Variants in ROCK1 observed in about 807,000 individuals in gnomAD.
ROCK1 encodes Rho associated coiled-coil containing protein kinase 1.
In ROCK1, 36 loss-of-function variants were observed where a neutral mutation model predicts 196.8. The observed-to-expected ratio is 0.18, with a 90% CI of 0.14 to 0.24. The LOEUF (loss-of-function observed/expected upper bound fraction) is 0.24. ROCK1 is among the 10% of genes least tolerant of loss of function. The pLI, the probability that ROCK1 is intolerant of heterozygous loss-of-function variation, is 1.00. For synonymous variants in ROCK1, 443 were observed against 515.9 expected (o/e 0.86, Z 1.91); for missense variants, 920 against 1,562.0 (o/e 0.59, Z 6.93).
intron 9 of ROCK1, among the ~76,000 whole-genome samples, chr18:21,032,506 G>GTTTTTTTTTTTTTT (rs368055407): frequency 7.0e-5 from 9 of 129,234 alleles, no homozygotes; most frequent in African/African-American, 2.6e-4. Context: ...AAATAGGAAA[G>GTTTTTTTTTTTTTT]TTTTTTTTTT....
At chr18:21,027,793 G>A (rs375133945) in intron 10 of ROCK1, among the ~76,000 whole-genome samples, 38,898 of 116,792 alleles carry the variant, frequency 0.33, 6,878 homozygotes, top group Middle Eastern at 0.57. Flanking sequence ...ACGGAGTCTC[G>A]CTCTGTCGCC....
rs374006664 is a variant in ROCK1, at chr18:21,026,717, C to A, written c.1211+2059G>T. On this transcript the variant is annotated intron_variant, in intron 10 of 32. Coordinates refer to ENST00000399799, the MANE Select transcript of ROCK1 (RefSeq NM_005406.3). ...TTGAATGGCTCTTACACTAAAATGACAAGACCCTTCACTTTAAAATAAGAT... is the reference window on the plus strand; with the variant it reads ...TTGAATGGCTCTTACACTAAAATGAAAAGACCCTTCACTTTAAAATAAGAT... 3.3e-5 allele frequency among the ~76,000 whole-genome samples: 5 copies of A among 151,950 alleles called. No individual in the cohort carries two copies. The South Asian group carries it at 8.3e-4, about 25-fold the overall frequency.
chr18:21,017,186 CTTTTTTTTTTTTT>C (rs774542704), intron 12 of ROCK1, among the ~76,000 whole-genome samples: 1 of 99,090 alleles, frequency 1.0e-5, no homozygotes, highest in Non-Finnish European at 1.9e-5. Context: ...TACCACACTT[CTTTTTTTTTTTTT>C]TTTTTTTTTT....
intron 29 of ROCK1, 89 bp downstream of exon 29, chr18:20,959,751 A>T: frequency 1.6e-6 from 1 of 636,926 alleles, no homozygotes; most frequent in Non-Finnish European, 2.6e-6. Context: ...TGCTGAAGTA[A>T]CACAAAATAT....
In ROCK1 at chr18:20,982,960, C is replaced by T. The variant is rs1298132177; in HGVS notation, c.2490-128G>A. On this transcript the variant is annotated intron_variant, in intron 20 of 32. Transcript: ENST00000399799. ...ACAATCTTTATTTTTTAAAAACATA[C>T]TTCATTATTCATTATTTTACTAATT... 7.5e-6 allele frequency: 4 copies of T among 532,506 alleles called. No individual in the cohort carries two copies. The East Asian group carries it at 1.3e-4, about 17-fold the overall frequency. 33.0% of individuals were successfully genotyped at this position (532,506 alleles called of 1,614,324 possible).
chr18:21,011,398 TA>T (rs1303495606), intron 13 of ROCK1, among the ~76,000 whole-genome samples: 10 of 152,220 alleles, frequency 6.6e-5, no homozygotes, highest in African/African-American at 2.4e-4. Flanking sequence ...ACTCCACTGG[TA>T]TTGGCATCTT....
intron 2 of ROCK1, among the ~76,000 whole-genome samples, chr18:21,063,770 C>G (rs1165372641): frequency 1.3e-5 from 2 of 152,128 alleles, no homozygotes; most frequent in Non-Finnish European, 2.9e-5. Context: ...AATGAAGAAG[C>G]TTAAACAATA....
intron 31 of ROCK1, among the ~76,000 whole-genome samples, 166 bp from the exon 32 acceptor site, chr18:20,953,951 TA>T (rs1028451826): frequency 2.7e-5 from 4 of 148,990 alleles, no homozygotes; most frequent in Admixed American, 1.3e-4. Context: ...AGGCTGAAAT[TA>T]AAAAAAAAAA....
intron 9 of ROCK1, among the ~76,000 whole-genome samples, chr18:21,038,618 C>G (rs2036078159): frequency 2.0e-5 from 3 of 152,188 alleles, no homozygotes; most frequent in African/African-American, 7.2e-5. Flanking sequence ...GATAGGCAGT[C>G]CTTAAGACAA....
intron 1 of ROCK1, among the ~76,000 whole-genome samples, chr18:21,092,672 A>T (rs1360526735): frequency 6.6e-6 from 1 of 151,788 alleles, no homozygotes; most frequent in Non-Finnish European, 1.5e-5. Flanking sequence ...GGCATTTTTT[A>T]AACCACATTT....
At chr18:21,105,159 CCT>C (rs2036692885) in intron 1 of ROCK1, among the ~76,000 whole-genome samples, 2 of 151,968 alleles carry the variant, frequency 1.3e-5, no homozygotes, top group South Asian at 2.1e-4. Context: ...ACTTTTATCC[CCT>C]CTTATTTTTC....
At chr18:21,000,072 T>C (rs1251608302) in intron 16 of ROCK1, among the ~76,000 whole-genome samples, 3 of 152,182 alleles carry the variant, frequency 2.0e-5, no homozygotes, top group Non-Finnish European at 4.4e-5. Flanking sequence ...GAACCCTGAA[T>C]ACGTAAAACA....
chr18:20,962,723 T>C lies in ROCK1; in HGVS notation c.3353-2517A>G, dbSNP rs558330734. Among the ~76,000 whole-genome samples the C allele has an allele frequency of 2.0e-3, 306 of 152,198 alleles. 3 individuals are homozygous for C. The highest frequency in any genetic ancestry group is 3.1e-3 in the Non-Finnish European group (213 of 67,974). On this transcript the variant is annotated intron_variant, in intron 27 of 32. Coordinates refer to ENST00000399799, the MANE Select transcript of ROCK1 (RefSeq NM_005406.3). ...AGGGTCAGGGAGAAAATAAATTAAA[T>C]GAAGAAATCTGGAATGCAAATAAAG...
chr18:21,104,474 G>A (rs2036686389), intron 1 of ROCK1, among the ~76,000 whole-genome samples: 1 of 152,188 alleles, frequency 6.6e-6, no homozygotes, highest in Non-Finnish European at 1.5e-5. Flanking sequence ...GCGGGCGCCT[G>A]TAGTCCCAGC....
At chr18:21,076,556 G>T (rs1349393287) in intron 1 of ROCK1, among the ~76,000 whole-genome samples, 1 of 152,044 alleles carries the variant, frequency 6.6e-6, no homozygotes, top group Non-Finnish European at 1.5e-5. Flanking sequence ...TTGTGTGTGT[G>T]TACATATATA....
intron 29 of ROCK1, chr18:20,955,605 A>C (rs2143322660): frequency 6.3e-6 from 1 of 158,142 alleles, no homozygotes; most frequent in East Asian, 1.9e-4. Flanking sequence ...TGGGCCTTTA[A>C]TTTCAAGAAA....
intron 27 of ROCK1, among the ~76,000 whole-genome samples, chr18:20,964,787 T>G (rs1400247539): frequency 6.6e-6 from 1 of 152,194 alleles, no homozygotes; most frequent in Non-Finnish European, 1.5e-5. Context: ...ATTTATTAGG[T>G]CAGGATTCTG....
chr18:21,039,323 A>T (rs1267534144), intron 9 of ROCK1, 149 bp downstream of exon 9: 9 of 609,676 alleles, frequency 1.5e-5, no homozygotes, highest in Admixed American at 2.9e-5. Flanking sequence ...CAATATTATC[A>T]AATTAATAGG....
At chr18:21,060,295 A>C (rs2036277805) in intron 2 of ROCK1, among the ~76,000 whole-genome samples, 1 of 152,244 alleles carries the variant, frequency 6.6e-6, no homozygotes, top group African/African-American at 2.4e-5. Flanking sequence ...CAGAAATATA[A>C]GTTAGATTTC....
Sources: gnomAD v4.1 joint callset for allele counts (sites outside exome capture counted in the v4.1 genomes callset) on GRCh38, gnomAD v4.1.1 for gene constraint, MANE v1.5 for transcripts, NCBI Gene and HGNC (gene_info 2026-07-23, HGNC 2026-07-21) for gene names.